Variants in DDHD2 observed in about 807,000 individuals in gnomAD.
The protein encoded by DDHD2 is triacylglycerol hydrolase DDHD2.
In DDHD2, 62 loss-of-function variants were observed where a neutral mutation model predicts 91.2. That is an observed-to-expected ratio of 0.68 (90% CI 0.55 to 0.84). DDHD2 has a LOEUF of 0.84. Ranked by LOEUF, DDHD2 falls within the 40% of genes least tolerant of loss-of-function variation. The pLI is 0.00. For missense variants in DDHD2, 740 were observed against 846.9 expected, an observed-to-expected ratio of 0.87 and a Z score of 1.57; for synonymous variants, 271 against 293.9, an observed-to-expected ratio of 0.92 and a Z score of 0.80.
intron 3 of DDHD2, 98 bp downstream of exon 3, chr8:38,234,682 T>C: frequency 9.4e-7 from 1 of 1,065,996 alleles, no homozygotes; most frequent in Non-Finnish European, 1.3e-6. Context: ...CCAGAAAGAC[T>C]TTGGTTCTGT....
At chr8:38,249,022 A>G (rs1471347735) in intron 10 of DDHD2, among the ~76,000 whole-genome samples, 1 of 151,270 alleles carries the variant, frequency 6.6e-6, no homozygotes, top group African/African-American at 2.4e-5. Flanking sequence ...TGTTTGCTGT[A>G]TGTTCTCAGT....
chr8:38,262,867 A>G (rs552459837), downstream of DDHD2: 5 of 152,214 alleles, frequency 3.3e-5, no homozygotes, highest in South Asian at 6.2e-4. Context: ...TACTAAAACA[A>G]AAAAATAGGT....
chr8:38,268,917 CGTAG>C (rs746216018), intron 1 of DDHD2: 2 of 1,559,690 alleles, frequency 1.3e-6, no homozygotes, highest in African/African-American at 2.8e-5. Context: ...TCCGCCTCCA[CGTAG>C]GGGTTCCGGT....
At chr8:38,266,435 C>G, downstream of DDHD2, 1 of 980,506 alleles carries the variant, frequency 1.0e-6, no homozygotes, top group Non-Finnish European at 1.5e-6. Context: ...CAGTCTTGCT[C>G]TGTCGCCCAG....
chr8:38,260,574 A>C (rs1806941743), intron 17 of DDHD2, 26 bp from the exon 18 acceptor site: 1 of 154,234 alleles, frequency 6.5e-6, no homozygotes, highest in Admixed American at 6.4e-5. Context: ...TTGTGACTGC[A>C]GCTCTTCTCC....
chr8:38,253,267 T>C (rs1158602404), intron 15 of DDHD2, 140 bp downstream of exon 15: 4 of 952,042 alleles, frequency 4.2e-6, no homozygotes, highest in Non-Finnish European at 6.1e-6. Context: ...TTTCAACTTC[T>C]AAAGAGCTCT....
intron 16 of DDHD2, among the ~76,000 whole-genome samples, chr8:38,259,810 G>A (rs984888161): frequency 2.0e-5 from 3 of 152,178 alleles, no homozygotes; most frequent in African/African-American, 4.8e-5. Flanking sequence ...ATGAGCCACC[G>A]CACCTGGCCT....
rs1482926707 is a variant in DDHD2, at chr8:38,260,142, C to T, written c.*21C>T. 6.5e-7 allele frequency: 1 copy of T among 1,531,150 alleles called. No homozygotes were observed. Among genetic ancestry groups the T allele is most frequent in the Non-Finnish European group, 9.0e-7 (1 of 1,105,824 alleles). The allele number at this position is 1,531,150 out of a possible 1,614,324, so 94.8% of individuals were successfully genotyped here. A position where few individuals can be genotyped will look rare whatever the true frequency, so the allele number is the denominator to read the frequency against. On this transcript the variant is annotated 3_prime_UTR_variant, in exon 17 of 18. Transcript: ENST00000397166. ...AGTAAAAATGACCCATCTATGGCTGCTTAATGTAAGTTTTAAAATGTCATA... is the reference window on the plus strand; with the variant it reads ...AGTAAAAATGACCCATCTATGGCTGTTTAATGTAAGTTTTAAAATGTCATA...
chr8:38,247,681 C>G, intron 9 of DDHD2, 32 bp from the exon 10 acceptor site: 1 of 1,380,814 alleles, frequency 7.2e-7, no homozygotes, highest in Non-Finnish European at 9.7e-7. Flanking sequence ...AAATGAATTT[C>G]AAGAATATGA....
At chr8:38,267,431 T>A (rs1336205277), downstream of DDHD2, 1 of 1,600,854 alleles carries the variant, frequency 6.2e-7, no homozygotes, top group Admixed American at 1.7e-5. Flanking sequence ...AATCATTAAC[T>A]CCAGAAATTA....
rs577929706 is a variant in DDHD2, at chr8:38,246,310, A to G, written c.1125+10A>G. 3 of 1,593,528 alleles carry G rather than the reference A, an allele frequency of 1.9e-6. No individual in the cohort carries two copies. In the Admixed American group the frequency reaches 5.1e-5, roughly 27 times the overall value. On this transcript the variant is annotated intron_variant, in intron 9 of 17. Transcript: ENST00000397166. ...TATTGACAGTGAAAAGGTAATTTAGATGTTCAGCTAGGTTTTCTTGTAGTT... is the reference window on the plus strand; with the variant it reads ...TATTGACAGTGAAAAGGTAATTTAGGTGTTCAGCTAGGTTTTCTTGTAGTT...
At chr8:38,246,530 T>C (rs1338928817) in intron 9 of DDHD2, among the ~76,000 whole-genome samples, 2 of 152,220 alleles carry the variant, frequency 1.3e-5, no homozygotes. Flanking sequence ...ACCATAGTTA[T>C]CTTATTTTCT....
At position 38,233,072 on chromosome 8, in the gene DDHD2, T is replaced by C. The variant is rs1219184289; in HGVS notation, c.78T>C (p.Phe26=). ...CGTCACCAAACTCATGTAGTTCCTT[T>C]GAGCTAATAGACATGGATGCTGGCA... is the stretch of plus-strand genomic sequence containing the variant. ...PSPSPNSCSS[F]ELIDMDAGSL... Residue 26 remains phenylalanine, a synonymous_variant, in exon 2 of 18, where the codon TTT becomes TTC. Coordinates refer to ENST00000397166, the MANE Select transcript of DDHD2 (RefSeq NM_015214.3). The C allele has an allele frequency of 1.2e-6, 2 of 1,613,916 alleles. No homozygotes were observed. Among genetic ancestry groups the C allele is most frequent in the Non-Finnish European group, 1.7e-6 (2 of 1,179,764 alleles).
chr8:38,269,302 C>G (rs1156593380), intron 1 of DDHD2: 1 of 1,202,260 alleles, frequency 8.3e-7, no homozygotes, highest in Non-Finnish European at 1.1e-6. Flanking sequence ...GCCCGCGCTC[C>G]GGCGGCTCCC....
Position 38,246,380 on chromosome 8 carries a change from T to C in DDHD2, c.1125+80T>C, listed in dbSNP as rs1805637542. ...AGATTTTAGACTTATTTTTTGTTTT[T>C]AGCTGAGTTTAGTTTCATGTCATGA... On this transcript the variant is annotated intron_variant, in intron 9 of 17. Transcript: ENST00000397166. 5 of 1,053,678 alleles carry C rather than the reference T, an allele frequency of 4.7e-6. No individual in the cohort carries two copies. In the South Asian group the frequency reaches 7.0e-5, roughly 15 times the overall value. 65.3% of individuals were successfully genotyped at this position (1,053,678 alleles called of 1,614,324 possible). A position where few individuals can be genotyped will look rare whatever the true frequency, so the allele number is the denominator to read the frequency against.
In DDHD2 at chr8:38,238,072, G is replaced by T; in HGVS notation, c.502-17G>T. On this transcript the variant is annotated splice_polypyrimidine_tract_variant and intron_variant, in intron 4 of 17. Transcript: ENST00000397166. ...TATTGCAGAATATTTTTATTGCTCT[G>T]ATCTGTTCTGTTTAAGCTTATGGTG... 6.3e-7 allele frequency: 1 copy of T among 1,593,682 alleles called. No homozygotes were observed. The highest frequency in any genetic ancestry group is 8.5e-7 in the Non-Finnish European group (1 of 1,173,330).
intron 5 of DDHD2, chr8:38,238,623 T>C (rs1393106405): frequency 4.1e-5 from 40 of 983,982 alleles, no homozygotes; most frequent in Admixed American, 6.1e-5. Context: ...CTTATGGTTT[T>C]ATAATATATT....
At chr8:38,266,333 A>C, downstream of DDHD2, 1 of 1,601,474 alleles carries the variant, frequency 6.2e-7, no homozygotes, top group Non-Finnish European at 8.5e-7. Context: ...AAAACTTTTA[A>C]GTGGTTTGTC....
chr8:38,240,320 TTGG>T lies in DDHD2; in HGVS notation c.669_671del (p.Gly224del). The T allele has an allele frequency of 6.2e-7, 1 of 1,611,102 alleles. No individual in the cohort carries two copies. The highest frequency in any genetic ancestry group is 1.1e-5 in the South Asian group (1 of 90,760). Reference sequence around the variant, plus strand: ...CACTTGGTTTTTGTAGTCCATGGGATTGGACCAGCTTGTGATCTCCGCTTTCGA... The same window carrying T: ...CACTTGGTTTTTGTAGTCCATGGGATACCAGCTTGTGATCTCCGCTTTCGA... On this transcript the variant is annotated inframe_deletion, in exon 6 of 18. Transcript: ENST00000397166.
Sources: allele counts gnomAD v4.1 joint callset (sites outside exome capture counted in the v4.1 genomes callset), GRCh38; gene constraint gnomAD v4.1.1; transcripts MANE v1.5; gene names NCBI Gene and HGNC (gene_info 2026-07-23, HGNC 2026-07-21).